Variants in ZWILCH observed in about 807,000 individuals in gnomAD.
ZWILCH encodes the protein protein zwilch homolog.
A neutral mutation model predicts 79.9 loss-of-function variants in ZWILCH; 74 were observed. The observed-to-expected ratio is 0.93, with a 90% CI of 0.77 to 1.12. ZWILCH has a LOEUF of 1.12. ZWILCH is among the 50% of genes most tolerant of loss of function. ZWILCH has a pLI of 0.00. For synonymous variants in ZWILCH, 241 were observed against 228.2 expected (o/e 1.06, Z -0.51); for missense variants, 694 against 687.5 (o/e 1.01, Z -0.11).
chr15:66,522,970 A>G (rs6494578), intron 7 of ZWILCH, among the ~76,000 whole-genome samples: 135,547 of 152,178 alleles, frequency 0.89, 60,597 homozygotes, highest in African/African-American at 0.97. Context: ...TTACAGGGGC[A>G]TGCCACTAAA....
chr15:66,542,964 C>G (rs1385715493), intron 17 of ZWILCH, among the ~76,000 whole-genome samples: 1 of 152,122 alleles, frequency 6.6e-6, no homozygotes, highest in African/African-American at 2.4e-5. Context: ...TATGGGAGAA[C>G]GGGCAATCAT....
intron 18 of ZWILCH, 187 bp downstream of exon 18, chr15:66,546,892 T>C (rs557052243): frequency 7.9e-6 from 2 of 252,776 alleles, no homozygotes; most frequent in Admixed American, 1.1e-4. Context: ...CCTTTTGTGG[T>C]CAACTTTTAA....
At chr15:66,531,614 C>T (rs1010125080) in intron 12 of ZWILCH, among the ~76,000 whole-genome samples, 2 of 151,924 alleles carry the variant, frequency 1.3e-5, no homozygotes, top group Admixed American at 6.6e-5. Context: ...CTTGCTACCA[C>T]GGCCAGTTTA....
chr15:66,535,905 C>CT (rs1895000060), intron 14 of ZWILCH, 28 bp from the exon 15 acceptor site: 1 of 1,577,766 alleles, frequency 6.3e-7, no homozygotes, highest in Admixed American at 1.9e-5. Context: ...CTTTAAATCT[C>CT]TATTTTGCTT....
chr15:66,518,381 C>T (rs1313725396), intron 4 of ZWILCH, among the ~76,000 whole-genome samples: 7 of 151,260 alleles, frequency 4.6e-5, no homozygotes, highest in Non-Finnish European at 7.4e-5. Flanking sequence ...CTCTGCCTCC[C>T]GGGTTCACAC....
intron 12 of ZWILCH, 110 bp downstream of exon 12, chr15:66,529,683 T>A: frequency 1.2e-6 from 1 of 800,418 alleles, no homozygotes; most frequent in Non-Finnish European, 2.1e-6. Flanking sequence ...TGCTACTTTC[T>A]AGCTGTGTAA....
intron 8 of ZWILCH, among the ~76,000 whole-genome samples, chr15:66,526,823 A>G (rs928309654): frequency 2.0e-5 from 3 of 152,142 alleles, no homozygotes; most frequent in African/African-American, 7.2e-5. Flanking sequence ...TATTTATATT[A>G]TTTTAATATA....
rs989337564 is a variant in ZWILCH at position 66,548,559 on chromosome 15, G to T, written c.*235G>T. ...TGAGGACACAGAGGGAGCAGACAGT[G>T]GGTACCACGATCTCCGTAACCATTT... On this transcript the variant is annotated 3_prime_UTR_variant, in exon 19 of 19. Transcript: ENST00000307897. 1 of 1,613,468 alleles carries T rather than the reference G, an allele frequency of 6.2e-7. No individual in the cohort carries two copies. Among genetic ancestry groups the T allele is most frequent in the Admixed American group, 1.7e-5 (1 of 60,010 alleles).
chr15:66,520,359 G>C (rs1362060992), intron 5 of ZWILCH: 2 of 394,620 alleles, frequency 5.1e-6, no homozygotes, highest in Non-Finnish European at 9.1e-6. Flanking sequence ...GGGTTCAAAC[G>C]ATCCTCCCTC....
At chr15:66,537,351 A>G in intron 16 of ZWILCH, 88 bp downstream of exon 16, 2 of 915,722 alleles carry the variant, frequency 2.2e-6, no homozygotes, top group East Asian at 2.6e-5. Flanking sequence ...TGAGCTCAGG[A>G]GTTCGAGACC....
chr15:66,536,153 C>A, intron 15 of ZWILCH, 84 bp downstream of exon 15: 15 of 1,244,080 alleles, frequency 1.2e-5, no homozygotes, highest in Non-Finnish European at 1.6e-5. Context: ...GTTTTTATTA[C>A]CAGTTAGGAT....
intron 4 of ZWILCH, among the ~76,000 whole-genome samples, chr15:66,516,380 G>A (rs1294497940): frequency 6.6e-6 from 1 of 152,232 alleles, no homozygotes; most frequent in Non-Finnish European, 1.5e-5. Flanking sequence ...CTTGTCTTCA[G>A]GGTGTCCTGG....
At chr15:66,524,450 C>G (rs952495105) in intron 8 of ZWILCH, 2 of 152,198 alleles carry the variant, frequency 1.3e-5, no homozygotes, top group Non-Finnish European at 2.9e-5. Context: ...CAACCCTCAT[C>G]ATACCAAGCT....
intron 14 of ZWILCH, among the ~76,000 whole-genome samples, chr15:66,535,681 A>C (rs1894993315): frequency 6.6e-6 from 1 of 152,068 alleles, no homozygotes; most frequent in African/African-American, 2.4e-5. Flanking sequence ...GTCTCAAAAA[A>C]AAAAAAAAAG....
At chr15:66,535,667 C>A (rs1290292250) in intron 14 of ZWILCH, among the ~76,000 whole-genome samples, 1 of 149,400 alleles carries the variant, frequency 6.7e-6, no homozygotes, top group African/African-American at 2.5e-5. Context: ...CAGAGTGAGA[C>A]CCTGTCTCAA....
chr15:66,541,115 CAA>C (rs545912418), intron 17 of ZWILCH, among the ~76,000 whole-genome samples: 4 of 118,486 alleles, frequency 3.4e-5, no homozygotes, highest in Non-Finnish European at 3.6e-5. Context: ...CCCATCTCTA[CAA>C]AAAAAAAAAA....
intron 2 of ZWILCH, among the ~76,000 whole-genome samples, chr15:66,511,095 T>A (rs1894043974): frequency 6.6e-6 from 1 of 152,226 alleles, no homozygotes; most frequent in African/African-American, 2.4e-5. Context: ...TCCTTGGCTC[T>A]CTGTGCTTGG....
At chr15:66,530,744 A>G (rs749995165) in intron 12 of ZWILCH, among the ~76,000 whole-genome samples, 2 of 152,250 alleles carry the variant, frequency 1.3e-5, no homozygotes, top group Non-Finnish European at 2.9e-5. Flanking sequence ...AAAGTTAAAA[A>G]GATTTTTAAT....
rs768201698 is a variant in ZWILCH at position 66,508,904 on chromosome 15, T to A, written c.105+12T>A. The A allele has an allele frequency of 6.2e-7, 1 of 1,613,164 alleles. No individual in the cohort carries two copies. Among genetic ancestry groups the A allele is most frequent in the Non-Finnish European group, 8.5e-7 (1 of 1,179,652 alleles). ...CATTTCTCTATGAGGTATGAACAATTTGGTTTTTAAACACAACTCTAATCC... is the reference window on the plus strand; with the variant it reads ...CATTTCTCTATGAGGTATGAACAATATGGTTTTTAAACACAACTCTAATCC... On this transcript the variant is annotated intron_variant, in intron 2 of 18. Coordinates refer to ENST00000307897, the MANE Select transcript of ZWILCH (RefSeq NM_017975.5).
Sources: gnomAD v4.1 joint callset for allele counts (sites outside exome capture counted in the v4.1 genomes callset) on GRCh38, gnomAD v4.1.1 for gene constraint, MANE v1.5 for transcripts, NCBI Gene and HGNC (gene_info 2026-07-23, HGNC 2026-07-21) for gene names.